Variants in SYNJ1 observed in about 807,000 individuals in gnomAD.
The protein encoded by SYNJ1 is synaptojanin 1, also known as polyphosphatidylinositol phosphatase SYNJ1.
SYNJ1 carries 78 observed loss-of-function variants against 168.2 expected under a neutral mutation model. The observed-to-expected ratio is 0.46, with a 90% CI of 0.39 to 0.56. The LOEUF (loss-of-function observed/expected upper bound fraction) is 0.56. Among genes scored for constraint, SYNJ1 ranks in the 20% least tolerant of loss-of-function variants. The pLI is 0.00. For synonymous variants in SYNJ1, 539 were observed against 548.6 expected (o/e 0.98, Z 0.24); for missense variants, 1,303 against 1,597.6 (o/e 0.82, Z 3.14).
chr21:32,650,126 C>T (rs934203600), intron 23 of SYNJ1, 58 bp downstream of exon 23: 63 of 1,519,962 alleles, frequency 4.1e-5, no homozygotes, highest in Non-Finnish European at 5.4e-5. Flanking sequence ...TAAGACTTTA[C>T]AGATTGGAAG....
chr21:32,681,996 C>A (rs908494303), intron 10 of SYNJ1, among the ~76,000 whole-genome samples: 7 of 152,108 alleles, frequency 4.6e-5, no homozygotes, highest in Admixed American at 4.6e-4. Context: ...TTTACTTAGT[C>A]CTAAACATAA....
At chr21:32,689,293 G>A (rs531146910) in intron 6 of SYNJ1, among the ~76,000 whole-genome samples, 64 of 152,236 alleles carry the variant, frequency 4.2e-4, no homozygotes, top group Middle Eastern at 3.4e-3. Context: ...GCTAACCTGT[G>A]AACAAAGTGC....
Position 32,656,714 on chromosome 21 carries a change from G to A in SYNJ1, c.2768C>T (p.Ala923Val). 6.2e-7 allele frequency: 1 copy of A among 1,613,570 alleles called. No individual in the cohort carries two copies. Among genetic ancestry groups the A allele is most frequent in the Non-Finnish European group, 8.5e-7 (1 of 1,179,818 alleles). ...TATAAGTATAACTTCACCAAAACTTGCAAACTGCTGCAGAAGCTCATCAAT... is the reference window on the plus strand; with the variant it reads ...TATAAGTATAACTTCACCAAAACTTACAAACTGCTGCAGAAGCTCATCAAT... ...ALIDELLQQF[A>V]SFGEVILIRF... The change falls in exon 21 of 33, where the codon GCA (alanine) becomes GTA (valine). Residue 923 changes from alanine (A) to valine (V), a missense_variant. By Grantham distance (64) the Ala-to-Val change is moderately conservative (BLOSUM62 0). This residue lies in a region of SYNJ1 where 920 missense variants were observed against 1,208.8 expected (regional missense o/e 0.76). Transcript: ENST00000674351.
At chr21:32,728,218 A>C, upstream of SYNJ1, 8 of 664,120 alleles carry the variant, frequency 1.2e-5, no homozygotes, top group Admixed American at 3.4e-5. Flanking sequence ...CTGCGATCCC[A>C]CCGCCGGGGG....
chr21:32,681,680 A>C (rs374363661), intron 10 of SYNJ1, 32 bp from the exon 11 acceptor site: 10 of 1,572,582 alleles, frequency 6.4e-6, no homozygotes, highest in Non-Finnish European at 8.6e-6. Context: ...TTTTATAAGT[A>C]CATTAATATA....
At position 32,644,986 on chromosome 21, in the gene SYNJ1, T is replaced by G. The variant is rs775185950; in HGVS notation, c.3412A>C (p.Thr1138Pro). 4.4e-6 allele frequency: 7 copies of G among 1,608,198 alleles called. No individual in the cohort carries two copies. In the East Asian group the frequency reaches 1.6e-4, roughly 36 times the overall value. ...TGGTTACCTCCAAATTCCTTTCTAG[T>G]GGGTGCAGGACTCCTAGCCCCTTAT... ...PPSGARSPAP[T>P]RKEFGGIGAP... The change falls in exon 26 of 33, where the codon ACT (threonine) becomes CCT (proline). Residue 1138 changes from threonine (T) to proline (P), a missense_variant. Around this residue, in one of 2 missense-constraint regions of SYNJ1, gnomAD observed 383 missense variants for 388.8 expected, o/e 0.99. Transcript: ENST00000674351.
rs2039255597 is a variant in SYNJ1, at chr21:32,629,859, G to T, written c.*1946C>A. The T allele has an allele frequency of 6.6e-6, 1 of 152,576 alleles. No individual in the cohort carries two copies. Among genetic ancestry groups the T allele is most frequent in the African/African-American group, 2.4e-5 (1 of 41,458 alleles). The allele number at this position is 152,576 out of a possible 1,614,324, so 9.5% of individuals were successfully genotyped here. A position where few individuals can be genotyped will look rare whatever the true frequency, so the allele number is the denominator to read the frequency against. On this transcript the variant is annotated 3_prime_UTR_variant, in exon 33 of 33. Transcript: ENST00000674351. ...AGACAAAATCCGCAGCTACTTTGAG[G>T]TATAGCCTCTAAAAACTTAAAGCAG...
At chr21:32,659,404 C>G (rs2040589964) in intron 18 of SYNJ1, among the ~76,000 whole-genome samples, 1 of 151,878 alleles carries the variant, frequency 6.6e-6, no homozygotes, top group Non-Finnish European at 1.5e-5. Flanking sequence ...TGTCTTATGC[C>G]CAATTTCTGC....
chr21:32,637,406 CTTTTTT>C (rs5843562), intron 31 of SYNJ1, among the ~76,000 whole-genome samples: 2 of 100,298 alleles, frequency 2.0e-5, no homozygotes, highest in African/African-American at 8.1e-5. Context: ...TTTCTTTTTT[CTTTTTT>C]TTTTTTTTTT....
chr21:32,727,995 C>G lies in SYNJ1; in HGVS notation c.-72G>C. ...CTTCTCCCGCAGCCGCCGCCACAGC[C>G]GCCGGGAGCGTCACTTCCGCTCCAG... On this transcript the variant is annotated 5_prime_UTR_variant, in exon 1 of 33. Transcript: ENST00000674351. The G allele has an allele frequency of 6.5e-7, 1 of 1,536,120 alleles. No individual in the cohort carries two copies. Among genetic ancestry groups the G allele is most frequent in the South Asian group, 1.2e-5 (1 of 83,996 alleles).
intron 2 of SYNJ1, among the ~76,000 whole-genome samples, chr21:32,714,701 T>C (rs969924709): frequency 6.6e-6 from 1 of 152,212 alleles, no homozygotes; most frequent in African/African-American, 2.4e-5. Context: ...AGACCATCAA[T>C]ACGGTACCTA....
In SYNJ1 at chr21:32,684,106, T is replaced by C. The variant is rs2146072757; in HGVS notation, c.1132A>G (p.Thr378Ala). 6.2e-7 allele frequency: 1 copy of C among 1,613,602 alleles called. No homozygotes were observed. Among genetic ancestry groups the C allele is most frequent in the East Asian group, 2.2e-5 (1 of 44,786 alleles). The change falls in exon 10 of 33, where the codon ACA (threonine) becomes GCA (alanine). Residue 378 changes from threonine (T) to alanine (A), a missense_variant. By Grantham distance (58) the Thr-to-Ala change is moderately conservative. Transcript: ENST00000674351. ...GSEVQRCQSG[T>A]VRTNCLDCLD... is the part of the protein sequence containing the mutation. ...CAATCCAAGCAGTTTGTTCGAACTG[T>C]ACCACTCTGGCATCTGTAACCAATA...
intron 31 of SYNJ1, among the ~76,000 whole-genome samples, chr21:32,637,371 T>A (rs906567869): frequency 8.6e-5 from 13 of 151,742 alleles, no homozygotes; most frequent in Admixed American, 3.9e-4. Flanking sequence ...TCTACCATTA[T>A]TATATATTTT....
At chr21:32,656,963 A>G (rs2040483000) in intron 20 of SYNJ1, 40 bp downstream of exon 20, 16 of 1,610,762 alleles carry the variant, frequency 9.9e-6, no homozygotes, top group Non-Finnish European at 1.4e-5. Flanking sequence ...TATTTCAAAC[A>G]AATTTCAAAC....
Position 32,673,499 on chromosome 21 carries a change from T to C in SYNJ1, c.1567A>G (p.Asn523Asp). The C allele has an allele frequency of 1.2e-6, 2 of 1,613,212 alleles. No homozygotes were observed. Among genetic ancestry groups the C allele is most frequent in the Non-Finnish European group, 1.7e-6 (2 of 1,179,676 alleles). ...SSKVLKSMCE[N>D]FYKYSKPKKI... ...TTAGGCTTTGAATATTTGTAGAAAT[T>C]CTCACACATGCTCTTTAGTACTTTA... Residue 523 changes from asparagine to aspartate, a missense_variant, in exon 14 of 33, where the codon AAT (asparagine) becomes GAT (aspartate). Transcript: ENST00000674351.
intron 32 of SYNJ1, among the ~76,000 whole-genome samples, chr21:32,632,898 T>C (rs1569018119): frequency 6.6e-6 from 1 of 152,088 alleles, no homozygotes; most frequent in East Asian, 1.9e-4. Flanking sequence ...TGCGCGCCTA[T>C]AATCCCAGCT....
intron 15 of SYNJ1, among the ~76,000 whole-genome samples, 172 bp from the exon 16 acceptor site, chr21:32,666,745 AC>A (rs2040949656): frequency 6.6e-6 from 1 of 152,178 alleles, no homozygotes; most frequent in East Asian, 1.9e-4. Context: ...CCAAAAGAAA[AC>A]CACATTTCAA....
chr21:32,682,252 A>G (rs1251508101), intron 10 of SYNJ1, among the ~76,000 whole-genome samples: 1 of 152,204 alleles, frequency 6.6e-6, no homozygotes, highest in Non-Finnish European at 1.5e-5. Flanking sequence ...TCCTTATCAC[A>G]TATAACAATA....
chr21:32,677,404 G>A (rs1383170397), intron 12 of SYNJ1, among the ~76,000 whole-genome samples: 1 of 152,108 alleles, frequency 6.6e-6, no homozygotes, highest in Non-Finnish European at 1.5e-5. Context: ...AGAACTGACT[G>A]TACTTTTTTT....
Sources: gnomAD v4.1 joint callset for allele counts (sites outside exome capture counted in the v4.1 genomes callset) on GRCh38, gnomAD v4.1.1 for gene constraint, gnomAD v4.1.1 regional missense constraint, MANE v1.5 for transcripts, NCBI Gene and HGNC (gene_info 2026-07-23, HGNC 2026-07-21) for gene names.